EMSY: variants seen among roughly 807,000 people sequenced by gnomAD.
EMSY encodes BRCA2-interacting transcriptional repressor EMSY.
EMSY carries 26 observed loss-of-function variants against 134.6 expected under a neutral mutation model. The ratio of observed to expected loss-of-function variants is 0.19; its 90% CI spans 0.14 to 0.27. The LOEUF is 0.27. Among genes scored for constraint, EMSY ranks in the 10% least tolerant of loss-of-function variants. The pLI is 1.00. For missense variants in EMSY, 1,305 were observed against 1,611.4 expected, an observed-to-expected ratio of 0.81 and a Z score of 3.26; for synonymous variants, 579 against 577.8, an observed-to-expected ratio of 1.00 and a Z score of -0.03.
At chr11:76,501,931 G>A (rs960881869) in intron 9 of EMSY, among the ~76,000 whole-genome samples, 1 of 150,302 alleles carries the variant, frequency 6.7e-6, no homozygotes, top group Non-Finnish European at 1.5e-5. Context: ...CTTGAACACA[G>A]CAAGAGAAAA....
intron 12 of EMSY, among the ~76,000 whole-genome samples, chr11:76,523,512 T>G (rs1240449074): frequency 6.6e-6 from 1 of 152,202 alleles, no homozygotes; most frequent in Non-Finnish European, 1.5e-5. Flanking sequence ...AGGTTGCTTG[T>G]GACCATGATT....
At chr11:76,546,419 C>A in intron 20 of EMSY, 122 bp downstream of exon 21, 2 of 1,321,840 alleles carry the variant, frequency 1.5e-6, no homozygotes, top group Non-Finnish European at 2.0e-6. Flanking sequence ...TAGATATTAT[C>A]TTTGAGATGG....
intron 12 of EMSY, among the ~76,000 whole-genome samples, chr11:76,525,963 T>G (rs893598143): frequency 2.0e-5 from 3 of 152,158 alleles, no homozygotes; most frequent in Admixed American, 2.0e-4. Flanking sequence ...ATTTCATATA[T>G]GTAGAACTTA....
chr11:76,498,608 AT>A (rs71473314), intron 9 of EMSY, among the ~76,000 whole-genome samples: 106 of 151,604 alleles, frequency 7.0e-4, no homozygotes, highest in African/African-American at 2.5e-3. Flanking sequence ...TTAATTCTCT[AT>A]TTTTTTTAAA....
intron 12 of EMSY, 27 bp from the exon 14 acceptor site, chr11:76,526,435 C>A: frequency 6.4e-7 from 1 of 1,566,454 alleles, no homozygotes; most frequent in South Asian, 1.2e-5. Flanking sequence ...ATATAAATCT[C>A]TTATATAATC....
intron 9 of EMSY, 46 bp from the exon 11 acceptor site, chr11:76,513,340 T>C: frequency 6.3e-7 from 1 of 1,595,520 alleles, no homozygotes; most frequent in Non-Finnish European, 8.6e-7. Context: ...AAGGGACATG[T>C]ATTTAAAAAT....
chr11:76,542,455 A>C, intron 18 of EMSY, 88 bp downstream of exon 19: 1 of 1,489,190 alleles, frequency 6.7e-7, no homozygotes, highest in Non-Finnish European at 9.3e-7. Flanking sequence ...AAGAGGAGAA[A>C]TAATTGGAAC....
chr11:76,493,068 C>T (rs182009316), intron 8 of EMSY, among the ~76,000 whole-genome samples: 3 of 152,124 alleles, frequency 2.0e-5, no homozygotes, highest in African/African-American at 7.2e-5. Flanking sequence ...GGAAGCCCCC[C>T]CTTCCCTTGC....
chr11:76,541,028 C>T (rs1291303188), intron 17 of EMSY, among the ~76,000 whole-genome samples: 2 of 152,106 alleles, frequency 1.3e-5, no homozygotes, highest in Non-Finnish European at 2.9e-5. Context: ...ATTTCAAGAC[C>T]AGCTTGGCCA....
intron 9 of EMSY, among the ~76,000 whole-genome samples, chr11:76,508,067 C>T (rs1950147509): frequency 6.6e-6 from 1 of 151,856 alleles, no homozygotes; most frequent in Non-Finnish European, 1.5e-5. Context: ...GACAGGGTCT[C>T]ACCATGTTGC....
chr11:76,506,981 T>C (rs1950103885), intron 9 of EMSY, among the ~76,000 whole-genome samples: 1 of 152,062 alleles, frequency 6.6e-6, no homozygotes, highest in Non-Finnish European at 1.5e-5. Context: ...TGGCGTACTT[T>C]ATAGAGTTTA....
chr11:76,467,894 G>A (rs912662767), intron 7 of EMSY, among the ~76,000 whole-genome samples: 19 of 151,558 alleles, frequency 1.3e-4, no homozygotes, highest in African/African-American at 4.4e-4. Flanking sequence ...CAGGAGAATC[G>A]CTTGAACCCG....
rs146741285 is a variant in EMSY at position 76,456,431 on chromosome 11, G to A, written c.246-1752G>A. On this transcript the variant is annotated intron_variant, in intron 4 of 20. Transcript: ENST00000334736. ...TAATTTCTGCCACCACTTAAACAAT[G>A]TACCAGGTAAGTGTAGATGTCACTT... is the stretch of plus-strand genomic sequence containing the variant. Among the ~76,000 whole-genome samples, 711 of 152,228 alleles carry A rather than the reference G, an allele frequency of 4.7e-3. 4 individuals carry two copies. Among genetic ancestry groups the A allele is most frequent in the African/African-American group, 0.016 (666 of 41,552 alleles).
chr11:76,516,189 C>G (rs1015568567), exon 11 of EMSY: 1 of 1,613,780 alleles, frequency 6.2e-7, no homozygotes, highest in African/African-American at 1.3e-5. Flanking sequence ...ATCCATTGGT[C>G]GGATGGCTGC....
intron 2 of EMSY, among the ~76,000 whole-genome samples, chr11:76,447,473 T>C (rs1182212583): frequency 1.3e-5 from 2 of 152,240 alleles, no homozygotes; most frequent in African/African-American, 4.8e-5. Flanking sequence ...CATGATTGTA[T>C]GTGTCAATTA....
At chr11:76,468,273 AC>A (rs1948438854) in intron 7 of EMSY, among the ~76,000 whole-genome samples, 1 of 152,148 alleles carries the variant, frequency 6.6e-6, no homozygotes, top group Non-Finnish European at 1.5e-5. Flanking sequence ...TATGAGCCAT[AC>A]CATGAGAGTT....
intron 9 of EMSY, among the ~76,000 whole-genome samples, chr11:76,510,211 A>G (rs575969474): frequency 5.3e-5 from 8 of 152,226 alleles, no homozygotes; most frequent in Admixed American, 3.3e-4. Context: ...AAATTAGCTG[A>G]GTGTGGTGGC....
chr11:76,459,774 T>A, intron 5 of EMSY, 159 bp from the exon 7 acceptor site: 1 of 650,322 alleles, frequency 1.5e-6, no homozygotes, highest in Middle Eastern at 3.3e-4. Context: ...CAGGAAAGGT[T>A]ATTAATGCCT....
At chr11:76,508,133 AGTGCTGG>A (rs1423421944) in intron 9 of EMSY, among the ~76,000 whole-genome samples, 1 of 152,052 alleles carries the variant, frequency 6.6e-6, no homozygotes, top group Non-Finnish European at 1.5e-5. Context: ...AGCCTCCCAA[AGTGCTGG>A]GACTGCAGGC....
Sources: gnomAD v4.1 joint callset for allele counts (sites outside exome capture counted in the v4.1 genomes callset) on GRCh38, gnomAD v4.1.1 for gene constraint, MANE v1.5 for transcripts, NCBI Gene and HGNC (gene_info 2026-07-23, HGNC 2026-07-21) for gene names.